ENAH: variants seen among roughly 807,000 people sequenced by gnomAD.
ENAH encodes the protein ENAH actin regulator.
A neutral mutation model predicts 78.7 loss-of-function variants in ENAH; 23 were observed. The observed-to-expected ratio is 0.29, with a 90% CI of 0.21 to 0.41. The LOEUF is 0.41. Among genes scored for constraint, ENAH ranks in the 10% least tolerant of loss-of-function variants. The pLI is 1.00. For missense variants in ENAH, 544 were observed against 691.0 expected (o/e 0.79, Z 2.39); for synonymous variants, 226 against 241.0 (o/e 0.94, Z 0.58).
chr1:225,556,010 A>C (rs1442072729), intron 2 of ENAH, among the ~76,000 whole-genome samples: 1 of 152,146 alleles, frequency 6.6e-6, no homozygotes, highest in African/African-American at 2.4e-5. Flanking sequence ...CTTATCCTCA[A>C]AATTGTAAGA....
chr1:225,585,650 G>A (rs1379485248), intron 1 of ENAH, among the ~76,000 whole-genome samples: 2 of 152,198 alleles, frequency 1.3e-5, no homozygotes, highest in South Asian at 2.1e-4. Context: ...TTAGCCGGGC[G>A]TGGTGGTGTG....
At position 225,497,580 on chromosome 1, in the gene ENAH, C is replaced by T. The variant is rs1424298495; in HGVS notation, c.*195G>A. The stretch of plus-strand genomic sequence containing the variant: ...GTAAAGGCCAGAAAAAAGCAGCAAA[C>T]GGAGAGGGAAAGAGCTTATCACCAG... On this transcript the variant is annotated 3_prime_UTR_variant, in exon 14 of 14. Coordinates refer to ENST00000366843, the MANE Select transcript of ENAH (RefSeq NM_018212.6). 1.2e-5 allele frequency: 5 copies of T among 426,922 alleles called. No individual in the cohort carries two copies. The highest frequency in any genetic ancestry group is 6.3e-4 in the Middle Eastern group (1 of 1,592). The allele number at this position is 426,922 out of a possible 1,614,324, so 26.4% of individuals were successfully genotyped here.
chr1:225,577,472 T>C (rs1347929465), intron 1 of ENAH, among the ~76,000 whole-genome samples: 1 of 152,184 alleles, frequency 6.6e-6, no homozygotes, highest in Non-Finnish European at 1.5e-5. Context: ...AAGAAAACCA[T>C]CTGGAATGCA....
At chr1:225,615,841 C>T (rs564597636) in intron 1 of ENAH, among the ~76,000 whole-genome samples, 83 of 152,122 alleles carry the variant, frequency 5.5e-4, no homozygotes, top group Non-Finnish European at 9.7e-4. Flanking sequence ...CCCAACAGCT[C>T]ATTGAGAACG....
intron 3 of ENAH, among the ~76,000 whole-genome samples, chr1:225,542,952 G>A (rs766735148): frequency 7.9e-5 from 12 of 151,828 alleles, no homozygotes; most frequent in Middle Eastern, 3.4e-3. Context: ...GCAGGAATTC[G>A]AGGTTACAGT....
chr1:225,601,778 T>TA (rs139782448), intron 1 of ENAH, among the ~76,000 whole-genome samples: 6,443 of 151,090 alleles, frequency 0.043, 221 homozygotes, highest in South Asian at 0.1. Context: ...ATTTGGAAAC[T>TA]AAAAAAAATA....
chr1:225,543,567 G>A (rs569675887), intron 3 of ENAH, among the ~76,000 whole-genome samples: 142 of 152,234 alleles, frequency 9.3e-4, no homozygotes, highest in Non-Finnish European at 1.5e-3. Flanking sequence ...CTACCATTCT[G>A]CACCATTCAT....
chr1:225,605,394 G>T (rs1486703008), intron 1 of ENAH, among the ~76,000 whole-genome samples: 1 of 152,110 alleles, frequency 6.6e-6, no homozygotes, highest in Non-Finnish European at 1.5e-5. Context: ...CCATCATTCT[G>T]TGATGTACAG....
At chr1:225,527,406 A>G (rs192210082) in intron 4 of ENAH, among the ~76,000 whole-genome samples, 1 of 152,266 alleles carries the variant, frequency 6.6e-6, no homozygotes, top group Non-Finnish European at 1.5e-5. Context: ...CAAACTTCAC[A>G]CTAGACTGTG....
intron 1 of ENAH, among the ~76,000 whole-genome samples, chr1:225,576,357 T>A (rs2096788172): frequency 6.6e-6 from 1 of 151,880 alleles, no homozygotes. Flanking sequence ...TACTTGTAAG[T>A]CTGCAATCTA....
intron 1 of ENAH, among the ~76,000 whole-genome samples, chr1:225,631,247 A>G (rs1658970914): frequency 6.6e-6 from 1 of 152,110 alleles, no homozygotes; most frequent in Non-Finnish European, 1.5e-5. Context: ...CCAAGCCACA[A>G]TTAACCCCAC....
At chr1:225,499,029 G>A (rs576935600) in intron 12 of ENAH, among the ~76,000 whole-genome samples, 1 of 152,274 alleles carries the variant, frequency 6.6e-6, no homozygotes, top group Non-Finnish European at 1.5e-5. Flanking sequence ...AATCTGAAAT[G>A]AGATGTGCTG....
intron 1 of ENAH, among the ~76,000 whole-genome samples, chr1:225,647,502 AGGTGAGTTCAAAACCT>A: frequency 6.6e-6 from 1 of 152,336 alleles, no homozygotes; most frequent in Middle Eastern, 3.4e-3. Flanking sequence ...AATTCTGGCC[AGGTGAGTTCAAAACCT>A]GCCTGGTCCA....
rs1187432745 is a variant in ENAH at position 225,511,929 on chromosome 1, C to T, written c.1423-70G>A. The stretch of plus-strand genomic sequence containing the variant: ...GTTGCTATATACATTTAGTGTTTTA[C>T]ACGAACACTTCTAATATTCTTTCTG... On this transcript the variant is annotated intron_variant, in intron 9 of 13. Coordinates refer to ENST00000366843, the MANE Select transcript of ENAH (RefSeq NM_018212.6). The T allele has an allele frequency of 6.1e-6, 6 of 987,078 alleles. No individual in the cohort carries two copies. The African/African-American group carries it at 8.3e-5, about 14-fold the overall frequency. The allele number at this position is 987,078 out of a possible 1,614,324, so 61.1% of individuals were successfully genotyped here. A position where few individuals can be genotyped will look rare whatever the true frequency, so the allele number is the denominator to read the frequency against.
At chr1:225,512,780 C>A (rs370162115) in intron 8 of ENAH, 66 bp from the exon 9 acceptor site, 1 of 1,608,668 alleles carries the variant, frequency 6.2e-7, no homozygotes, top group Non-Finnish European at 8.5e-7. Context: ...CACTTCTCTA[C>A]GAGGAAAGAA....
At chr1:225,652,525 A>G (rs1663212017) in intron 1 of ENAH, 161 bp downstream of exon 1, 1 of 837,026 alleles carries the variant, frequency 1.2e-6, no homozygotes, top group African/African-American at 1.8e-5. Flanking sequence ...CAAGAAAGAA[A>G]GAGAAATTGG....
At chr1:225,610,112 A>T (rs1259198913) in intron 1 of ENAH, among the ~76,000 whole-genome samples, 1 of 151,992 alleles carries the variant, frequency 6.6e-6, no homozygotes, top group Non-Finnish European at 1.5e-5. Flanking sequence ...AGAGGAAAGT[A>T]TTCACAGTAT....
intron 1 of ENAH, among the ~76,000 whole-genome samples, chr1:225,643,287 T>C (rs1296275905): frequency 6.6e-6 from 1 of 151,792 alleles, no homozygotes; most frequent in African/African-American, 2.4e-5. Flanking sequence ...ATAGTTCAGG[T>C]AAGAGATAAC....
intron 1 of ENAH, among the ~76,000 whole-genome samples, chr1:225,578,930 T>C (rs867755486): frequency 6.6e-6 from 1 of 152,204 alleles, no homozygotes; most frequent in Non-Finnish European, 1.5e-5. Flanking sequence ...TGAGCCAGTG[T>C]TGATACTAAT....
Sources: gnomAD v4.1 joint callset for allele counts (sites outside exome capture counted in the v4.1 genomes callset) on GRCh38, gnomAD v4.1.1 for gene constraint, MANE v1.5 for transcripts, NCBI Gene and HGNC (gene_info 2026-07-23, HGNC 2026-07-21) for gene names.